EPHB1: variants seen among roughly 807,000 people sequenced by gnomAD.
EPHB1 encodes EPH receptor B1.
In EPHB1, 30 loss-of-function variants were observed where a neutral mutation model predicts 94.4. That is an observed-to-expected ratio of 0.32 (90% CI 0.24 to 0.43). EPHB1 has a LOEUF of 0.43. EPHB1 is among the 20% of genes least tolerant of loss of function. The pLI is 1.00. For synonymous variants in EPHB1, 522 were observed against 489.1 expected (o/e 1.07, Z -0.89); for missense variants, 1,055 against 1,308.3 (o/e 0.81, Z 2.99).
At chr3:134,913,929 G>A (rs2038510616) in intron 1 of EPHB1, among the ~76,000 whole-genome samples, 1 of 152,188 alleles carries the variant, frequency 6.6e-6, no homozygotes, top group South Asian at 2.1e-4. Context: ...ACCCAGTTGG[G>A]GCCACACAGG....
chr3:135,099,898 A>G (rs1938969702), intron 3 of EPHB1, among the ~76,000 whole-genome samples: 1 of 151,780 alleles, frequency 6.6e-6, no homozygotes, highest in African/African-American at 2.4e-5. Flanking sequence ...TGGGCTGCGA[A>G]CCTCCTTCTT....
chr3:134,903,173 G>A lies in EPHB1; in HGVS notation c.59-22643G>A, dbSNP rs183524221. On this transcript the variant is annotated intron_variant, in intron 1 of 15. Coordinates refer to ENST00000398015, the MANE Select transcript of EPHB1 (RefSeq NM_004441.5). The stretch of plus-strand genomic sequence containing the variant: ...TAAAAATAAATAGAAATAAAAGTGC[G>A]GGCACTCCACTTGGAGCTCTGGGTG... Among the ~76,000 whole-genome samples the A allele has an allele frequency of 4.4e-3, 672 of 152,272 alleles. 4 individuals carry two copies. Among genetic ancestry groups the A allele is most frequent in the African/African-American group, 0.014 (591 of 41,558 alleles).
intron 3 of EPHB1, among the ~76,000 whole-genome samples, chr3:134,964,889 T>C (rs901624289): frequency 6.6e-6 from 1 of 152,236 alleles, no homozygotes; most frequent in Non-Finnish European, 1.5e-5. Context: ...TCATTGTTTT[T>C]ATTTTGTCTC....
chr3:134,929,986 A>T (rs1345725229), intron 2 of EPHB1, among the ~76,000 whole-genome samples: 1 of 152,156 alleles, frequency 6.6e-6, no homozygotes, highest in Non-Finnish European at 1.5e-5. Context: ...GATACCATGC[A>T]TGGATGTTTA....
intron 4 of EPHB1, among the ~76,000 whole-genome samples, chr3:135,114,728 G>GATAAATAA (rs67059261): frequency 0.37 from 49,436 of 133,238 alleles, 9,935 homozygotes; most frequent in East Asian, 0.52. Flanking sequence ...GTCTCAGATA[G>GATAAATAA]ATAAATAAAT....
chr3:135,002,895 C>G (rs1489059796), intron 3 of EPHB1, among the ~76,000 whole-genome samples: 6 of 151,708 alleles, frequency 4.0e-5, no homozygotes, highest in Non-Finnish European at 8.8e-5. Flanking sequence ...TTTGTTGATC[C>G]TTTCAAAAAA....
At chr3:135,081,672 A>G (rs1294705982) in intron 3 of EPHB1, among the ~76,000 whole-genome samples, 1 of 151,988 alleles carries the variant, frequency 6.6e-6, no homozygotes, top group Non-Finnish European at 1.5e-5. Flanking sequence ...TGTAACCCAG[A>G]CCCCTAGAGG....
intron 1 of EPHB1, among the ~76,000 whole-genome samples, chr3:134,899,572 G>A (rs541407365): frequency 6.6e-6 from 1 of 152,254 alleles, no homozygotes; most frequent in South Asian, 2.1e-4. Flanking sequence ...TCTAAATATA[G>A]TGTTTATCAC....
At chr3:135,108,275 C>T (rs975052901) in intron 4 of EPHB1, among the ~76,000 whole-genome samples, 11 of 152,164 alleles carry the variant, frequency 7.2e-5, no homozygotes, top group Admixed American at 7.2e-4. Flanking sequence ...TAAAATGTGT[C>T]ATTTGACAAG....
intron 3 of EPHB1, among the ~76,000 whole-genome samples, chr3:135,003,101 T>C (rs1391122515): frequency 1.3e-5 from 2 of 152,078 alleles, no homozygotes; most frequent in Non-Finnish European, 2.9e-5. Context: ...CATTTAGTGC[T>C]ATAAATTTCC....
chr3:135,249,451 G>A lies in EPHB1; in HGVS notation c.2806G>A (p.Gly936Ser). Residue 936 changes from glycine (G) to serine (S), a missense_variant, in exon 15 of 16, where the codon GGC (glycine) becomes AGC (serine). By Grantham distance (56) the Gly-to-Ser change is moderately conservative. Transcript: ENST00000398015. The stretch of plus-strand genomic sequence containing the variant: ...GTACAGGGACAGCTTCCTCACTGCT[G>A]GCTTCACCTCCCTCCAGCTGGTCAC... The part of the protein sequence containing the change: ...VQYRDSFLTA[G>S]FTSLQLVTQM... 1 of 1,613,992 alleles carries A rather than the reference G, an allele frequency of 6.2e-7. No individual in the cohort carries two copies. Among genetic ancestry groups the A allele is most frequent in the Non-Finnish European group, 8.5e-7 (1 of 1,179,890 alleles).
chr3:135,022,016 G>C (rs1936001767), intron 3 of EPHB1, among the ~76,000 whole-genome samples: 1 of 152,154 alleles, frequency 6.6e-6, no homozygotes, highest in African/African-American at 2.4e-5. Context: ...GTCTCGCTCT[G>C]TCGCCCAGGC....
chr3:135,114,760 A>AATAAATAAATAT (rs1939617833), intron 4 of EPHB1, among the ~76,000 whole-genome samples: 1 of 150,892 alleles, frequency 6.6e-6, no homozygotes, highest in African/African-American at 2.4e-5. Context: ...TAAATAAATA[A>AATAAATAAATAT]ATAAATAAAA....
chr3:134,884,827 A>G (rs1371202851), intron 1 of EPHB1, among the ~76,000 whole-genome samples: 1 of 152,208 alleles, frequency 6.6e-6, no homozygotes, highest in Non-Finnish European at 1.5e-5. Context: ...ATGAACCACA[A>G]TTGAGCAATC....
intron 3 of EPHB1, among the ~76,000 whole-genome samples, chr3:135,001,312 C>T (rs36073): frequency 0.5 from 75,571 of 151,954 alleles, 20,685 homozygotes; most frequent in African/African-American, 0.73. Flanking sequence ...TGGGAGGTTG[C>T]TAACAGTGAG....
chr3:135,052,647 G>A (rs1374673119), intron 3 of EPHB1, among the ~76,000 whole-genome samples: 1 of 150,966 alleles, frequency 6.6e-6, no homozygotes. Context: ...GGATCACGAG[G>A]TCAGGAGCTC....
At chr3:134,911,208 T>C (rs1357479090) in intron 1 of EPHB1, among the ~76,000 whole-genome samples, 1 of 152,206 alleles carries the variant, frequency 6.6e-6, no homozygotes, top group Non-Finnish European at 1.5e-5. Flanking sequence ...GAGTGCAAGG[T>C]ACTCTGCAAG....
intron 1 of EPHB1, among the ~76,000 whole-genome samples, chr3:134,839,652 G>C (rs1172286279): frequency 6.6e-6 from 1 of 152,150 alleles, no homozygotes; most frequent in African/African-American, 2.4e-5. Context: ...ACTCTGACTG[G>C]AGTGAGAGAG....
At chr3:134,814,798 C>A (rs1383377850) in intron 1 of EPHB1, among the ~76,000 whole-genome samples, 6 of 152,206 alleles carry the variant, frequency 3.9e-5, no homozygotes, top group Non-Finnish European at 8.8e-5. Context: ...CAGAGGAAAG[C>A]AAGTGCATCT....
Sources: allele counts gnomAD v4.1 joint callset (sites outside exome capture counted in the v4.1 genomes callset), GRCh38; gene constraint gnomAD v4.1.1; transcripts MANE v1.5; gene names NCBI Gene and HGNC (gene_info 2026-07-23, HGNC 2026-07-21).